SUGCT: variants seen among roughly 807,000 people sequenced by gnomAD.
SUGCT encodes succinyl-CoA:glutarate-CoA transferase.
Under a neutral mutation model 55.0 loss-of-function variants are expected in SUGCT, and 41 were observed. That is an observed-to-expected ratio of 0.74 (90% CI 0.58 to 0.97). SUGCT has a LOEUF of 0.97. Ranked by LOEUF, SUGCT falls within the 50% of genes least tolerant of loss-of-function variation. The pLI is 0.00. For synonymous variants in SUGCT, 187 were observed against 200.4 expected (o/e 0.93, Z 0.56); for missense variants, 568 against 547.8 (o/e 1.04, Z -0.37).
At chr7:40,899,325 C>T in the SUGCT span, among the ~76,000 whole-genome samples, 4 of 152,172 alleles carry the variant, frequency 2.6e-5, no homozygotes, top group African/African-American at 7.2e-5. Flanking sequence ...CTTTATTTAC[C>T]CCTCCGCCTC....
intron 12 of SUGCT, chr7:40,684,230 A>C (rs1388147685): frequency 4.2e-6 from 6 of 1,439,078 alleles, no homozygotes; most frequent in Non-Finnish European, 4.6e-6. Flanking sequence ...GACCTTAATT[A>C]CATCCATACT....
intron 11 of SUGCT, among the ~76,000 whole-genome samples, chr7:40,466,231 A>G (rs1790103533): frequency 6.6e-6 from 1 of 152,012 alleles, no homozygotes. Flanking sequence ...GATAAAGTTC[A>G]AACCATTTTA....
At chr7:40,956,681 T>TCGTTTGCTCTTG in the SUGCT span, among the ~76,000 whole-genome samples, 1 of 131,096 alleles carries the variant, frequency 7.6e-6, no homozygotes, top group Admixed American at 8.5e-5. Context: ...ATTTGTTTGC[T>TCGTTTGCTCTTG]CTTCTCTAGT....
At chr7:40,378,972 A>G (rs1301537499) in intron 9 of SUGCT, among the ~76,000 whole-genome samples, 1 of 152,112 alleles carries the variant, frequency 6.6e-6, no homozygotes, top group Non-Finnish European at 1.5e-5. Flanking sequence ...TAAGTTAAGG[A>G]TCTTGAGGGG....
the SUGCT span, among the ~76,000 whole-genome samples, chr7:40,896,129 TAAAC>T: frequency 6.6e-6 from 1 of 152,036 alleles, no homozygotes; most frequent in Non-Finnish European, 1.5e-5. Flanking sequence ...TTCAAACAAA[TAAAC>T]AAATTTAGTA....
At chr7:40,617,875 A>G (rs1409898256) in intron 12 of SUGCT, among the ~76,000 whole-genome samples, 1 of 151,960 alleles carries the variant, frequency 6.6e-6, no homozygotes, top group African/African-American at 2.4e-5. Flanking sequence ...GTCTTCCTTC[A>G]GTTTTTTCAT....
the SUGCT span, among the ~76,000 whole-genome samples, chr7:40,943,803 G>T: frequency 6.6e-6 from 1 of 152,086 alleles, no homozygotes; most frequent in African/African-American, 2.4e-5. Context: ...CCAGTAATGG[G>T]ATGGCTGGGT....
chr7:40,944,138 T>A, the SUGCT span, among the ~76,000 whole-genome samples: 1,855 of 152,324 alleles, frequency 0.012, 41 homozygotes, highest in African/African-American at 0.042. Flanking sequence ...TTTGTTTTTT[T>A]CTTGTAAATT....
chr7:40,600,724 GT>G (rs71560195), intron 12 of SUGCT, among the ~76,000 whole-genome samples: 21,056 of 141,144 alleles, frequency 0.15, 1,492 homozygotes, highest in Middle Eastern at 0.22. Flanking sequence ...AAGGTAGAGA[GT>G]TTTTTTTTTT....
At chr7:40,193,444 C>T (rs1299287880) in intron 5 of SUGCT, among the ~76,000 whole-genome samples, 5 of 151,908 alleles carry the variant, frequency 3.3e-5, no homozygotes, top group African/African-American at 1.2e-4. Context: ...GCCACCACGT[C>T]CAGCTAATTT....
At chr7:40,832,201 AG>A (rs1183179542) in intron 13 of SUGCT, among the ~76,000 whole-genome samples, 2 of 152,160 alleles carry the variant, frequency 1.3e-5, no homozygotes, top group Non-Finnish European at 2.9e-5. Context: ...AACCCAGAGC[AG>A]GCATCCAACA....
intron 13 of SUGCT, among the ~76,000 whole-genome samples, chr7:40,797,552 C>A (rs1790608090): frequency 6.6e-6 from 1 of 152,154 alleles, no homozygotes; most frequent in Admixed American, 6.6e-5. Flanking sequence ...AGTTCCATGT[C>A]ATATATCTCT....
chr7:40,648,453 C>T (rs961098515), intron 12 of SUGCT, among the ~76,000 whole-genome samples: 2 of 152,164 alleles, frequency 1.3e-5, no homozygotes, highest in African/African-American at 4.8e-5. Flanking sequence ...CTTTTGAACA[C>T]AGTACGTAGT....
At chr7:41,006,850 C>A in the SUGCT span, among the ~76,000 whole-genome samples, 1 of 152,114 alleles carries the variant, frequency 6.6e-6, no homozygotes, top group Non-Finnish European at 1.5e-5. Flanking sequence ...GCAGTCATTG[C>A]AATGATTACA....
At chr7:40,588,193 C>T (rs115427159) in intron 12 of SUGCT, among the ~76,000 whole-genome samples, 3,819 of 151,876 alleles carry the variant, frequency 0.025, 157 homozygotes, top group African/African-American at 0.089. Context: ...TGAGTCACTG[C>T]GCCCAGCCCT....
At chr7:40,954,904 C>T in the SUGCT span, among the ~76,000 whole-genome samples, 6 of 152,168 alleles carry the variant, frequency 3.9e-5, no homozygotes, top group South Asian at 6.2e-4. Context: ...AATCCTCTCC[C>T]CATTGCTTGT....
intron 1 of SUGCT, among the ~76,000 whole-genome samples, chr7:40,159,578 C>T (rs1404624731): frequency 6.6e-6 from 1 of 151,832 alleles, no homozygotes; most frequent in Non-Finnish European, 1.5e-5. Context: ...ACCATGTTGG[C>T]CAGGATGGTC....
intron 12 of SUGCT, among the ~76,000 whole-genome samples, chr7:40,723,121 G>A (rs988423213): frequency 1.3e-5 from 2 of 151,968 alleles, no homozygotes; most frequent in African/African-American, 4.8e-5. Context: ...GAAACTGGAG[G>A]TCATACTATT....
intron 1 of SUGCT, among the ~76,000 whole-genome samples, chr7:40,150,437 G>A (rs779319292): frequency 2.0e-5 from 3 of 152,194 alleles, no homozygotes; most frequent in Non-Finnish European, 2.9e-5. Context: ...GGGAGGCTAA[G>A]GCAGGCGGAT....
Sources: allele counts gnomAD v4.1 joint callset (sites outside exome capture counted in the v4.1 genomes callset), GRCh38; gene constraint gnomAD v4.1.1; transcripts MANE v1.5; gene names NCBI Gene and HGNC (gene_info 2026-07-23, HGNC 2026-07-21).